Variants in C9orf57 observed in about 807,000 individuals in gnomAD.
The protein encoded by C9orf57 is chromosome 9 open reading frame 57, also known as uncharacterized protein C9orf57.
C9orf57 carries 12 observed loss-of-function variants against 12.9 expected under a neutral mutation model. The observed-to-expected ratio is 0.93, with a 90% CI of 0.60 to 1.51. The LOEUF is 1.51. Among genes scored for constraint, C9orf57 ranks in the 40% most tolerant of loss-of-function variants. The probability of loss-of-function intolerance (pLI) is 0.00; values close to 1 mark genes in which losing one functional copy is unlikely to be tolerated. For missense variants in C9orf57, 141 were observed against 162.8 expected (o/e 0.87, Z 0.73); for synonymous variants, 49 against 57.1 (o/e 0.86, Z 0.64).
At chr9:72,054,254 T>A (rs188679181) in intron 4 of C9orf57, among the ~76,000 whole-genome samples, 5 of 152,358 alleles carry the variant, frequency 3.3e-5, no homozygotes, top group Non-Finnish European at 7.3e-5. Flanking sequence ...TGCCTTGGTT[T>A]CCCAAAGTGC....
chr9:72,060,490 G>C lies in C9orf57; in HGVS notation c.-54+7C>G, dbSNP rs780408164. 4 of 1,335,150 alleles carry C rather than the reference G, an allele frequency of 3.0e-6. No individual in the cohort carries two copies. The South Asian group carries it at 5.0e-5, about 17-fold the overall frequency. The allele number at this position is 1,335,150 out of a possible 1,614,324, so 82.7% of individuals were successfully genotyped here. On this transcript the variant is annotated splice_region_variant and intron_variant, in intron 1 of 4. Transcript: ENST00000651200. ...AAAGTATAATATTTCAGTTGTTCATGACCTACCTATCTTTTTCATTAAGGT... is the reference window on the plus strand; with the variant it reads ...AAAGTATAATATTTCAGTTGTTCATCACCTACCTATCTTTTTCATTAAGGT...
At chr9:72,056,447 T>G (rs1478537465) in intron 3 of C9orf57, among the ~76,000 whole-genome samples, 1 of 151,760 alleles carries the variant, frequency 6.6e-6, no homozygotes, top group Admixed American at 6.6e-5. Context: ...CTGAAAATTG[T>G]GTATTACTTT....
At chr9:72,054,055 A>G (rs1044148155) in intron 4 of C9orf57, among the ~76,000 whole-genome samples, 1 of 152,106 alleles carries the variant, frequency 6.6e-6, no homozygotes, top group Non-Finnish European at 1.5e-5. Context: ...CTGGAGTGCA[A>G]TGGCATGATC....
intron 2 of C9orf57, among the ~76,000 whole-genome samples, chr9:72,057,633 G>A (rs1824237278): frequency 6.6e-6 from 1 of 152,112 alleles, no homozygotes; most frequent in Admixed American, 6.5e-5. Flanking sequence ...GAGCCCAGGT[G>A]GTCTAAACAA....
rs191784892 is a variant in C9orf57 at position 72,058,748 on chromosome 9, C to T, written c.97+487G>A. On this transcript the variant is annotated intron_variant, in intron 2 of 4. Coordinates refer to ENST00000651200, the MANE Select transcript of C9orf57 (RefSeq NM_001128618.2). The stretch of plus-strand genomic sequence containing the variant: ...ACATTTTTAATAGAAAACAGTGTGG[C>T]TGATGAGGCTAATTAACCTTTGTTG... 4.6e-5 allele frequency among the ~76,000 whole-genome samples: 7 copies of T among 152,306 alleles called. No individual in the cohort carries two copies. In the East Asian group the frequency reaches 1.2e-3, roughly 25 times the overall value.
chr9:72,057,328 C>G (rs887584902), intron 2 of C9orf57, among the ~76,000 whole-genome samples: 1 of 152,046 alleles, frequency 6.6e-6, no homozygotes, highest in African/African-American at 2.4e-5. Context: ...CGGGTTCAAG[C>G]GATTCTCCTG....
chr9:72,052,978 C>T (rs115978327), intron 4 of C9orf57, among the ~76,000 whole-genome samples: 1 of 152,272 alleles, frequency 6.6e-6, no homozygotes, highest in African/African-American at 2.4e-5. Context: ...TTCTACCACC[C>T]CAGTTTCAGT....
chr9:72,056,343 A>G (rs1824201118), intron 3 of C9orf57, 147 bp from the exon 4 acceptor site: 2 of 340,474 alleles, frequency 5.9e-6, no homozygotes, highest in Non-Finnish European at 9.1e-6. Context: ...TGTTATATAT[A>G]TTAAATATAT....
At chr9:72,057,975 C>T (rs1293358208) in intron 2 of C9orf57, among the ~76,000 whole-genome samples, 1 of 152,120 alleles carries the variant, frequency 6.6e-6, no homozygotes, top group Non-Finnish European at 1.5e-5. Flanking sequence ...TACTGTGCAT[C>T]AGATTTCTTT....
chr9:72,059,166 G>T, intron 2 of C9orf57, 69 bp downstream of exon 2: 2 of 1,536,428 alleles, frequency 1.3e-6, no homozygotes, highest in Non-Finnish European at 1.8e-6. Context: ...GGCGTGAGCC[G>T]CCACGCTCGG....
intron 4 of C9orf57, among the ~76,000 whole-genome samples, chr9:72,055,835 T>G (rs1323428904): frequency 6.6e-6 from 1 of 152,150 alleles, no homozygotes; most frequent in Admixed American, 6.6e-5. Context: ...CATTTGAATC[T>G]TGTCTATAAG....
At chr9:72,056,269 T>A in intron 3 of C9orf57, 73 bp from the exon 4 acceptor site, 56 of 1,212,218 alleles carry the variant, frequency 4.6e-5, no homozygotes, top group Admixed American at 1.1e-4. Context: ...GGAAGAGAGA[T>A]CAAAAAAATA....
intron 2 of C9orf57, 60 bp from the exon 3 acceptor site, chr9:72,056,903 A>T: frequency 7.5e-7 from 1 of 1,331,356 alleles, no homozygotes; most frequent in Admixed American, 2.4e-5. Context: ...GTATACATAT[A>T]TATGTATACT....
intron 4 of C9orf57, among the ~76,000 whole-genome samples, chr9:72,054,447 A>T (rs1352996289): frequency 6.6e-6 from 1 of 152,238 alleles, no homozygotes; most frequent in Non-Finnish European, 1.5e-5. Context: ...ATTTTAATGG[A>T]AATTCACAAA....
In C9orf57 at chr9:72,051,597, T is replaced by C. The variant is rs1439757953; in HGVS notation, c.*699A>G. 1 of 152,190 alleles carries C rather than the reference T, an allele frequency of 6.6e-6. No homozygotes were observed. The highest frequency in any genetic ancestry group is 6.5e-5 in the Admixed American group (1 of 15,282). 9.4% of individuals were successfully genotyped at this position (152,190 alleles called of 1,614,324 possible). ...AATTCCTTGTGGTTGGGAACTTACT[T>C]CTCTGCTTACCTTGAACTGCTTAAT... On this transcript the variant is annotated 3_prime_UTR_variant, in exon 5 of 5. Transcript: ENST00000651200.
At chr9:72,058,857 A>G (rs1824263644) in intron 2 of C9orf57, among the ~76,000 whole-genome samples, 1 of 152,078 alleles carries the variant, frequency 6.6e-6, no homozygotes, top group Non-Finnish European at 1.5e-5. Context: ...CAGACTTTCC[A>G]TTCATAATCA....
At chr9:72,052,784 T>A (rs1824106499) in intron 4 of C9orf57, among the ~76,000 whole-genome samples, 1 of 152,162 alleles carries the variant, frequency 6.6e-6, no homozygotes, top group Non-Finnish European at 1.5e-5. Context: ...ATCCAGGTTG[T>A]GAGTTATTCA....
rs1463751581 is a variant in C9orf57, at chr9:72,059,591, T to C, written c.-53-207A>G. Among the ~76,000 whole-genome samples the C allele has an allele frequency of 3.3e-5, 5 of 152,104 alleles. No homozygotes were observed. In the East Asian group the frequency reaches 9.6e-4, roughly 29 times the overall value. On this transcript the variant is annotated intron_variant, in intron 1 of 4. Transcript: ENST00000651200. ...TTCCCAACGCTTTGGGAGGCCAAGG[T>C]GGGCAGATCGCCTGAGGTCAGGAGT...
rs144716471 is a variant in C9orf57, at chr9:72,058,487, A to T, written c.97+748T>A. Among the ~76,000 whole-genome samples the T allele has an allele frequency of 3.2e-4, 49 of 152,250 alleles. No individual in the cohort carries two copies. In the East Asian group the frequency reaches 9.3e-3, roughly 29 times the overall value. On this transcript the variant is annotated intron_variant, in intron 2 of 4. Transcript: ENST00000651200. ...TAGGGATCTTTCTTATAGCTTCTGC[A>T]GGGAGCTTTGGCCAGTGATAGAGAA... is the stretch of plus-strand genomic sequence containing the variant.
Sources: allele counts gnomAD v4.1 joint callset (sites outside exome capture counted in the v4.1 genomes callset), GRCh38; gene constraint gnomAD v4.1.1; transcripts MANE v1.5; gene names NCBI Gene and HGNC (gene_info 2026-07-23, HGNC 2026-07-21).